The following RBM46 variants were observed in gnomAD, a reference collection of about 807,000 sequenced individuals.
RBM46 encodes the protein RNA binding motif protein 46.
Under a neutral mutation model 43.3 loss-of-function variants are expected in RBM46, and 12 were observed. That is an observed-to-expected ratio of 0.28 (90% confidence interval 0.18 to 0.45). RBM46 has a LOEUF of 0.45. Among genes scored for constraint, RBM46 ranks in the 20% least tolerant of loss-of-function variants. The pLI, the probability that RBM46 is intolerant of heterozygous loss-of-function variation, is 1.00. For missense variants in RBM46, 412 were observed against 639.1 expected (o/e 0.64, Z 3.83); for synonymous variants, 205 against 207.6 (o/e 0.99, Z 0.11).
intron 4 of RBM46, among the ~76,000 whole-genome samples, chr4:154,804,235 T>C (rs1316464234): frequency 2.0e-5 from 3 of 152,180 alleles, no homozygotes; most frequent in African/African-American, 4.8e-5. Context: ...CTAAACCAAA[T>C]ATAGACTGGA....
At chr4:154,785,087 G>C (rs886954326) in intron 1 of RBM46, among the ~76,000 whole-genome samples, 3 of 151,946 alleles carry the variant, frequency 2.0e-5, no homozygotes, top group Non-Finnish European at 4.4e-5. Flanking sequence ...TTTGAGATAA[G>C]GGTTTTTTTT....
chr4:154,827,813 TTAAA>T (rs1322559757), intron 4 of RBM46, 51 bp from the exon 5 acceptor site: 4 of 1,605,108 alleles, frequency 2.5e-6, no homozygotes, highest in Non-Finnish European at 2.6e-6. Flanking sequence ...TCTCTTTAAA[TTAAA>T]TTTGTGTCCA....
intron 2 of RBM46, 57 bp from the exon 3 acceptor site, chr4:154,797,754 A>G: frequency 1.7e-6 from 2 of 1,182,436 alleles, no homozygotes; most frequent in African/African-American, 1.5e-5. Context: ...ATATGATTGA[A>G]TAGTGAGTAC....
chr4:154,825,255 C>A (rs1209714545), intron 4 of RBM46, among the ~76,000 whole-genome samples: 1 of 152,010 alleles, frequency 6.6e-6, no homozygotes. Flanking sequence ...AATATATTTT[C>A]TGAAAATTAG....
Position 154,788,136 on chromosome 4 carries a change from T to G in RBM46, c.-12+6700T>G, listed in dbSNP as rs938432243. Among the ~76,000 whole-genome samples the G allele has an allele frequency of 2.8e-3, 422 of 152,372 alleles. 4 individuals carry two copies. Among genetic ancestry groups the G allele is most frequent in the Non-Finnish European group, 2.7e-3 (183 of 68,030 alleles). On this transcript the variant is annotated intron_variant, in intron 1 of 4. Transcript: ENST00000281722. Reference sequence around the variant, plus strand: ...AAAAATTTTCTCCCATTCTGTAGGTTGCCTGTTCACTCTGATGGTAGTTTC... The same window carrying G: ...AAAAATTTTCTCCCATTCTGTAGGTGGCCTGTTCACTCTGATGGTAGTTTC...
intron 4 of RBM46, among the ~76,000 whole-genome samples, chr4:154,810,650 TTC>T (rs1380680158): frequency 1.3e-5 from 2 of 152,144 alleles, no homozygotes; most frequent in African/African-American, 4.8e-5. Context: ...CTGCTAAAAA[TTC>T]TCTCAGTACA....
At chr4:154,812,190 G>C (rs1383086336) in intron 4 of RBM46, among the ~76,000 whole-genome samples, 1 of 151,972 alleles carries the variant, frequency 6.6e-6, no homozygotes, top group Non-Finnish European at 1.5e-5. Flanking sequence ...CAGTGGACTT[G>C]TGAAATATTA....
At chr4:154,789,846 T>A (rs1407404133) in intron 1 of RBM46, among the ~76,000 whole-genome samples, 2 of 152,190 alleles carry the variant, frequency 1.3e-5, no homozygotes, top group Non-Finnish European at 2.9e-5. Flanking sequence ...TTGCCTCAAT[T>A]TCAGAGCCTG....
chr4:154,800,812 T>C (rs911126860), intron 4 of RBM46, among the ~76,000 whole-genome samples: 1 of 152,180 alleles, frequency 6.6e-6, no homozygotes, highest in Non-Finnish European at 1.5e-5. Context: ...TTTATATGGT[T>C]GCAGAACCAT....
In RBM46 at chr4:154,800,074, A is replaced by C. The variant is rs1333712067; in HGVS notation, c.1402+510A>C. On this transcript the variant is annotated intron_variant, in intron 4 of 4. Coordinates refer to ENST00000281722, the MANE Select transcript of RBM46 (RefSeq NM_144979.5). ...GCGTGAGCCACCGCACCTGGCCTAC[A>C]TTTAGCTTTTTAAGCATTAACCTGT... Among the ~76,000 whole-genome samples, 4 of 152,112 alleles carry C rather than the reference A, an allele frequency of 2.6e-5. No homozygotes were observed. The South Asian group carries it at 8.3e-4, about 32-fold the overall frequency.
At chr4:154,827,704 C>T (rs1736030474) in intron 4 of RBM46, 164 bp from the exon 5 acceptor site, 2 of 1,442,796 alleles carry the variant, frequency 1.4e-6, no homozygotes, top group East Asian at 2.5e-5. Flanking sequence ...ATTTGCAGTG[C>T]AGTGAATGCT....
intron 4 of RBM46, among the ~76,000 whole-genome samples, chr4:154,817,952 T>G (rs1040899941): frequency 6.6e-6 from 1 of 152,106 alleles, no homozygotes; most frequent in Non-Finnish European, 1.5e-5. Flanking sequence ...CTTACTGAAG[T>G]CTAATATTAA....
At chr4:154,820,957 G>A (rs1398951348) in intron 4 of RBM46, among the ~76,000 whole-genome samples, 3 of 151,782 alleles carry the variant, frequency 2.0e-5, no homozygotes, top group African/African-American at 4.8e-5. Context: ...AAAGAATGAT[G>A]TTTTCTAGGA....
chr4:154,784,334 G>C lies in RBM46; in HGVS notation c.-12+2898G>C, dbSNP rs935257356. Among the ~76,000 whole-genome samples the C allele has an allele frequency of 2.6e-5, 4 of 152,048 alleles. No individual in the cohort carries two copies. In the East Asian group the frequency reaches 7.7e-4, roughly 29 times the overall value. On this transcript the variant is annotated intron_variant, in intron 1 of 4. Transcript: ENST00000281722. ...TTCATTAATGTTTTGCTTAAATTGT[G>C]CTTGTCTTTTTTCATTAATATACTT...
rs531386499 is a variant in RBM46, at chr4:154,801,834, C to T, written c.1402+2270C>T. ...TATAGCATAGTTAAACCGATAGTTCCCTAAGAAAACACCTAATCAGGTACA... is the reference window on the plus strand; with the variant it reads ...TATAGCATAGTTAAACCGATAGTTCTCTAAGAAAACACCTAATCAGGTACA... On this transcript the variant is annotated intron_variant, in intron 4 of 4. Transcript: ENST00000281722. Among the ~76,000 whole-genome samples the T allele has an allele frequency of 4.6e-5, 7 of 152,178 alleles. No homozygotes were observed. The South Asian group carries it at 1.5e-3, about 32-fold the overall frequency.
At chr4:154,784,910 T>C (rs1282778452) in intron 1 of RBM46, among the ~76,000 whole-genome samples, 1 of 152,216 alleles carries the variant, frequency 6.6e-6, no homozygotes, top group Admixed American at 6.5e-5. Flanking sequence ...TGGAGTATTT[T>C]AGAATGAATG....
intron 4 of RBM46, among the ~76,000 whole-genome samples, chr4:154,815,786 G>T (rs1218614785): frequency 6.6e-6 from 1 of 151,832 alleles, no homozygotes; most frequent in Non-Finnish European, 1.5e-5. Flanking sequence ...ATTTTAATAT[G>T]ATTCAATTGA....
intron 4 of RBM46, among the ~76,000 whole-genome samples, chr4:154,808,392 T>C (rs1735013599): frequency 6.6e-6 from 1 of 151,978 alleles, no homozygotes; most frequent in African/African-American, 2.4e-5. Flanking sequence ...TTTGTACTTT[T>C]CTTTAATCCT....
intron 3 of RBM46, 74 bp from the exon 4 acceptor site, chr4:154,798,693 CTGCTTCTCTGGGGAA>C: frequency 9.5e-7 from 1 of 1,052,910 alleles, no homozygotes; most frequent in Non-Finnish European, 1.3e-6. Context: ...AGTTGAGTTT[CTGCTTCTCTGGGGAA>C]ACAGTTTTAC....
Sources: gnomAD v4.1 joint callset for allele counts (sites outside exome capture counted in the v4.1 genomes callset) on GRCh38, gnomAD v4.1.1 for gene constraint, MANE v1.5 for transcripts, NCBI Gene and HGNC (gene_info 2026-07-23, HGNC 2026-07-21) for gene names.